SLC2A13: variants seen among roughly 807,000 people sequenced by gnomAD.
SLC2A13 encodes the protein solute carrier family 2 member 13.
In SLC2A13, 32 loss-of-function variants were observed where a neutral mutation model predicts 64.4. That is an observed-to-expected ratio of 0.50 (90% CI 0.37 to 0.67). SLC2A13 has a LOEUF of 0.67. Ranked by LOEUF, SLC2A13 falls within the 30% of genes least tolerant of loss-of-function variation. The pLI, the probability that SLC2A13 is intolerant of heterozygous loss-of-function variation, is 0.00. For synonymous variants in SLC2A13, 338 were observed against 327.1 expected (o/e 1.03, Z -0.36); for missense variants, 743 against 829.2 (o/e 0.90, Z 1.28).
intron 4 of SLC2A13, among the ~76,000 whole-genome samples, chr12:39,909,293 T>C (rs1388627842): frequency 6.6e-6 from 1 of 152,070 alleles, no homozygotes; most frequent in Non-Finnish European, 1.5e-5. Context: ...AAATAGGCTT[T>C]CTTCTCTGAA....
At chr12:39,940,994 A>G (rs1946014814) in intron 4 of SLC2A13, among the ~76,000 whole-genome samples, 1 of 152,118 alleles carries the variant, frequency 6.6e-6, no homozygotes, top group Admixed American at 6.6e-5. Context: ...TACATCACTT[A>G]GAATAATAGT....
chr12:39,835,093 A>T (rs1376035688), intron 6 of SLC2A13, among the ~76,000 whole-genome samples: 1 of 152,112 alleles, frequency 6.6e-6, no homozygotes, highest in Non-Finnish European at 1.5e-5. Flanking sequence ...CACAAAGTCA[A>T]TGCTCATAAG....
At chr12:40,076,564 T>A (rs565323605) in intron 1 of SLC2A13, among the ~76,000 whole-genome samples, 4 of 152,308 alleles carry the variant, frequency 2.6e-5, no homozygotes, top group African/African-American at 9.6e-5. Flanking sequence ...TTGATGAACA[T>A]CTAGGTTGAT....
Position 39,922,825 on chromosome 12 carries a change from A to C in SLC2A13, c.1034+28432T>G, listed in dbSNP as rs193049530. Among the ~76,000 whole-genome samples the C allele has an allele frequency of 2.0e-5, 3 of 152,280 alleles. No homozygotes were observed. The East Asian group carries it at 5.8e-4, about 29-fold the overall frequency. On this transcript the variant is annotated intron_variant, in intron 4 of 9. Coordinates refer to ENST00000280871, the MANE Select transcript of SLC2A13 (RefSeq NM_052885.4). ...GCTTGCAAAACTTTGCAAAACTTGC[A>C]AAAGCTTGTCTTGCAAAACACAAAG... is the stretch of plus-strand genomic sequence containing the variant.
chr12:39,986,361 C>A (rs990453879), intron 3 of SLC2A13, among the ~76,000 whole-genome samples: 1 of 152,046 alleles, frequency 6.6e-6, no homozygotes, highest in Non-Finnish European at 1.5e-5. Context: ...TACACGTTCA[C>A]CCACCTCGTC....
intron 3 of SLC2A13, among the ~76,000 whole-genome samples, chr12:39,958,399 C>T (rs989768350): frequency 6.6e-6 from 1 of 152,090 alleles, no homozygotes; most frequent in Non-Finnish European, 1.5e-5. Flanking sequence ...TCTCCATCGC[C>T]CCTTCAGTAA....
chr12:39,913,253 A>G (rs1845985083), intron 4 of SLC2A13, among the ~76,000 whole-genome samples: 1 of 152,086 alleles, frequency 6.6e-6, no homozygotes, highest in South Asian at 2.1e-4. Flanking sequence ...ACTTTTACAC[A>G]TTGGAAGAAA....
chr12:39,864,728 C>T, intron 6 of SLC2A13, 34 bp downstream of exon 6: 1 of 1,608,134 alleles, frequency 6.2e-7, no homozygotes, highest in Non-Finnish European at 8.5e-7. Context: ...TTACCAGAGT[C>T]ATGTAAAGGA....
At chr12:40,040,262 G>A (rs1948062100) in intron 2 of SLC2A13, among the ~76,000 whole-genome samples, 1 of 152,214 alleles carries the variant, frequency 6.6e-6, no homozygotes, top group Admixed American at 6.5e-5. Flanking sequence ...ACACTGGCTA[G>A]GTGAGACTAT....
chr12:39,853,108 A>G (rs1036610874), intron 6 of SLC2A13, among the ~76,000 whole-genome samples: 2 of 152,144 alleles, frequency 1.3e-5, no homozygotes, highest in African/African-American at 4.8e-5. Context: ...TCAAAACGCC[A>G]AGAACCTGGA....
At chr12:39,878,133 G>T (rs970830799) in intron 4 of SLC2A13, among the ~76,000 whole-genome samples, 3 of 152,202 alleles carry the variant, frequency 2.0e-5, no homozygotes, top group Non-Finnish European at 4.4e-5. Context: ...CTACATAGGA[G>T]TAAACCAATT....
intron 1 of SLC2A13, among the ~76,000 whole-genome samples, chr12:40,059,360 A>C (rs1401547203): frequency 6.6e-6 from 1 of 152,220 alleles, no homozygotes; most frequent in African/African-American, 2.4e-5. Context: ...ATAGACATAT[A>C]GATAGATAAA....
At chr12:39,942,458 T>C (rs1379381907) in intron 4 of SLC2A13, among the ~76,000 whole-genome samples, 1 of 152,234 alleles carries the variant, frequency 6.6e-6, no homozygotes, top group African/African-American at 2.4e-5. Flanking sequence ...AAGTATTTTA[T>C]ATTTTTTTGC....
chr12:39,874,549 A>T (rs890556216), intron 4 of SLC2A13, among the ~76,000 whole-genome samples: 6 of 151,564 alleles, frequency 4.0e-5, no homozygotes, highest in African/African-American at 1.5e-4. Flanking sequence ...TGGGAGGCGA[A>T]GATTGCAGTG....
At chr12:39,765,943 G>T (rs1383610194) in intron 7 of SLC2A13, among the ~76,000 whole-genome samples, 2 of 152,034 alleles carry the variant, frequency 1.3e-5, no homozygotes, top group Admixed American at 6.6e-5. Flanking sequence ...TGTTCTCATT[G>T]TTCAGCTCCC....
chr12:40,026,981 G>A (rs7139216), intron 3 of SLC2A13, among the ~76,000 whole-genome samples: 48,301 of 151,664 alleles, frequency 0.32, 7,802 homozygotes, highest in African/African-American at 0.36. Context: ...TCGGGAGGCC[G>A]AGGCAGGAGA....
intron 4 of SLC2A13, among the ~76,000 whole-genome samples, chr12:39,894,131 G>A (rs10784261): frequency 0.51 from 76,993 of 151,968 alleles, 20,024 homozygotes; most frequent in Middle Eastern, 0.57. Context: ...CTCCTATAGT[G>A]CCACGTCACT....
intron 3 of SLC2A13, among the ~76,000 whole-genome samples, chr12:39,966,442 T>C (rs1200447906): frequency 6.6e-6 from 1 of 152,124 alleles, no homozygotes; most frequent in African/African-American, 2.4e-5. Context: ...CAAAGCTAAA[T>C]GTTCTGGAAA....
At chr12:40,038,773 G>A (rs1166673786) in intron 2 of SLC2A13, among the ~76,000 whole-genome samples, 2 of 149,926 alleles carry the variant, frequency 1.3e-5, no homozygotes, top group Non-Finnish European at 3.0e-5. Flanking sequence ...AAAGGGAAGG[G>A]GAAAGGGAAA....
Sources: gnomAD v4.1 joint callset for allele counts (sites outside exome capture counted in the v4.1 genomes callset) on GRCh38, gnomAD v4.1.1 for gene constraint, MANE v1.5 for transcripts, NCBI Gene and HGNC (gene_info 2026-07-23, HGNC 2026-07-21) for gene names.